CSTPP1: variants seen among roughly 807,000 people sequenced by gnomAD.
CSTPP1 encodes the protein UPF0705 protein C11orf49.
chr11:46,938,916 A>G, the CSTPP1 span, among the ~76,000 whole-genome samples: 2 of 151,182 alleles, frequency 1.3e-5, no homozygotes, highest in Admixed American at 6.6e-5. Flanking sequence ...AGCTGGGACT[A>G]CAGGCACATG....
At chr11:47,050,275 A>G in the CSTPP1 span, among the ~76,000 whole-genome samples, 1 of 152,202 alleles carries the variant, frequency 6.6e-6, no homozygotes, top group Non-Finnish European at 1.5e-5. Context: ...GGCATCACTT[A>G]CCTGTCTTTC....
At chr11:46,980,962 G>A in the CSTPP1 span, among the ~76,000 whole-genome samples, 3 of 152,134 alleles carry the variant, frequency 2.0e-5, no homozygotes, top group Non-Finnish European at 4.4e-5. Flanking sequence ...ACAGCTGGTG[G>A]TGTGTAAATT....
the CSTPP1 span, among the ~76,000 whole-genome samples, chr11:47,144,952 G>C: frequency 6.8e-6 from 1 of 146,540 alleles, no homozygotes; most frequent in Non-Finnish European, 1.5e-5. Flanking sequence ...CACACGTTGA[G>C]AACCACTGAT....
At chr11:47,025,214 A>C in the CSTPP1 span, among the ~76,000 whole-genome samples, 1 of 152,208 alleles carries the variant, frequency 6.6e-6, no homozygotes, top group Non-Finnish European at 1.5e-5. Context: ...ATGACTACTG[A>C]AATAAACTAC....
the CSTPP1 span, among the ~76,000 whole-genome samples, chr11:47,097,544 C>T: frequency 1.9e-5 from 1 of 51,714 alleles, no homozygotes; most frequent in Admixed American, 1.5e-4. Flanking sequence ...AGTGAGGAGC[C>T]CCTCTGCCCG....
chr11:47,113,362 G>A, the CSTPP1 span, among the ~76,000 whole-genome samples: 2 of 152,120 alleles, frequency 1.3e-5, no homozygotes, highest in African/African-American at 4.8e-5. Context: ...ACCTAGTAAT[G>A]GGATGGCTGG....
the CSTPP1 span, among the ~76,000 whole-genome samples, chr11:47,072,973 T>G: frequency 1.3e-5 from 2 of 152,178 alleles, no homozygotes; most frequent in Non-Finnish European, 2.9e-5. Context: ...TTATGTATCT[T>G]TATGTCTTTA....
chr11:46,968,631 T>C, the CSTPP1 span, among the ~76,000 whole-genome samples: 1 of 151,932 alleles, frequency 6.6e-6, no homozygotes, highest in Non-Finnish European at 1.5e-5. Flanking sequence ...CTGGGCGCAG[T>C]GGCTCACAGC....
At chr11:47,111,722 T>G in the CSTPP1 span, among the ~76,000 whole-genome samples, 1 of 152,174 alleles carries the variant, frequency 6.6e-6, no homozygotes, top group African/African-American at 2.4e-5. Context: ...CTAAAAATGT[T>G]GAAGGACTCT....
the CSTPP1 span, among the ~76,000 whole-genome samples, chr11:46,965,230 TTTA>T: frequency 3.8e-5 from 5 of 130,400 alleles, 2 homozygotes; most frequent in African/African-American, 1.3e-4. Flanking sequence ...CTTTTTTTTT[TTTA>T]TTTTTTTTTG....
At chr11:46,983,651 A>T in the CSTPP1 span, among the ~76,000 whole-genome samples, 1 of 152,206 alleles carries the variant, frequency 6.6e-6, no homozygotes, top group Non-Finnish European at 1.5e-5. Flanking sequence ...CATTAAAAAA[A>T]ATGTAAAATG....
chr11:47,160,965 G>T, the CSTPP1 span: 4 of 853,418 alleles, frequency 4.7e-6, no homozygotes, highest in Admixed American at 1.1e-4. Flanking sequence ...GCACCTTCCT[G>T]CTCCGTGACT....
At chr11:46,968,737 AAAAATAC>A in the CSTPP1 span, among the ~76,000 whole-genome samples, 4 of 151,862 alleles carry the variant, frequency 2.6e-5, no homozygotes, top group Non-Finnish European at 4.4e-5. Flanking sequence ...CGTCTCTACT[AAAAATAC>A]AAAAATTAGC....
the CSTPP1 span, among the ~76,000 whole-genome samples, chr11:46,966,441 T>C: frequency 2.0e-5 from 3 of 152,240 alleles, no homozygotes; most frequent in African/African-American, 7.2e-5. Context: ...TTTCCAAAAT[T>C]TTAATTTTTC....
the CSTPP1 span, among the ~76,000 whole-genome samples, chr11:47,138,999 A>AAC: frequency 4.0e-5 from 6 of 150,060 alleles, no homozygotes; most frequent in Admixed American, 2.6e-4. Context: ...AAAAAAAAAA[A>AAC]AAAAAAAAAA....
At chr11:47,101,859 G>A in the CSTPP1 span, among the ~76,000 whole-genome samples, 1 of 152,142 alleles carries the variant, frequency 6.6e-6, no homozygotes, top group Non-Finnish European at 1.5e-5. Context: ...AAGACATCAG[G>A]TCTAGAAATC....
At chr11:47,078,321 A>G in the CSTPP1 span, among the ~76,000 whole-genome samples, 1 of 152,228 alleles carries the variant, frequency 6.6e-6, no homozygotes, top group Non-Finnish European at 1.5e-5. Context: ...AGCAACGTTG[A>G]AGGAGTTACT....
At chr11:47,074,563 A>C in the CSTPP1 span, among the ~76,000 whole-genome samples, 28 of 152,118 alleles carry the variant, frequency 1.8e-4, no homozygotes, top group Admixed American at 1.8e-3. Context: ...GAAGGGGGGA[A>C]ATTTTCTTTT....
At chr11:47,015,474 A>AAAAC in the CSTPP1 span, among the ~76,000 whole-genome samples, 19 of 152,102 alleles carry the variant, frequency 1.2e-4, no homozygotes, top group African/African-American at 2.2e-4. Context: ...CTCCGTCTCA[A>AAAAC]AAACAAACAA....
Sources: gnomAD v4.1 joint callset for allele counts (sites outside exome capture counted in the v4.1 genomes callset) on GRCh38, gnomAD v4.1.1 for gene constraint, MANE v1.5 for transcripts, NCBI Gene and HGNC (gene_info 2026-07-23, HGNC 2026-07-21) for gene names.